The following SLC35F3 variants were observed in gnomAD, a reference collection of about 807,000 sequenced individuals.
SLC35F3 encodes the protein solute carrier family 35 member F3, also known as putative thiamine transporter SLC35F3.
SLC35F3 carries 25 observed loss-of-function variants against 49.9 expected under a neutral mutation model. The ratio of observed to expected loss-of-function variants is 0.50; its 90% confidence interval spans 0.37 to 0.70. The LOEUF is 0.70. SLC35F3 is among the 30% of genes least tolerant of loss of function. The probability of loss-of-function intolerance (pLI) is 0.00; values close to 1 mark genes in which losing one functional copy is unlikely to be tolerated. For missense variants in SLC35F3, 525 were observed against 639.8 expected (o/e 0.82, Z 1.94); for synonymous variants, 275 against 265.4 (o/e 1.04, Z -0.35).
rs1171564161 is a variant in SLC35F3, at chr1:233,957,808, T to A, written c.283+52050T>A. Among the ~76,000 whole-genome samples, 2 of 151,302 alleles carry A rather than the reference T, an allele frequency of 1.3e-5. No homozygotes were observed. Among genetic ancestry groups the A allele is most frequent in the Non-Finnish European group, 2.9e-5 (2 of 67,800 alleles). On this transcript the variant is annotated intron_variant, in intron 2 of 7. Coordinates refer to ENST00000366618, the MANE Select transcript of SLC35F3 (RefSeq NM_173508.4). This position sits in a 1 kb window ranked among gnomAD's most constrained non-coding sequence, Gnocchi z 4.0. ...CCACCTAGGGCGACAAAAGCGAAACTCCATCTCAAAAAAAAAATACAATAA... is the reference window on the plus strand; with the variant it reads ...CCACCTAGGGCGACAAAAGCGAAACACCATCTCAAAAAAAAAATACAATAA...
At chr1:234,054,152 G>T (rs1269261477) in intron 2 of SLC35F3, among the ~76,000 whole-genome samples, 3 of 152,098 alleles carry the variant, frequency 2.0e-5, no homozygotes, top group Non-Finnish European at 4.4e-5. Flanking sequence ...TATCTTTGTG[G>T]CATTCTCTGT....
At chr1:234,288,332 T>C (rs1668455820) in intron 3 of SLC35F3, among the ~76,000 whole-genome samples, 1 of 152,210 alleles carries the variant, frequency 6.6e-6, no homozygotes, top group Admixed American at 6.5e-5. Context: ...GAAATTGACA[T>C]GGCTGAATTC....
At chr1:234,049,332 C>T in intron 2 of SLC35F3, among the ~76,000 whole-genome samples, 1 of 152,050 alleles carries the variant, frequency 6.6e-6, no homozygotes, top group East Asian at 1.9e-4. Context: ...GGAGTGTGCT[C>T]ACTCTTGCTC....
chr1:234,172,573 T>C (rs1483223383), intron 2 of SLC35F3, among the ~76,000 whole-genome samples: 1 of 152,196 alleles, frequency 6.6e-6, no homozygotes, highest in African/African-American at 2.4e-5. Context: ...TTAATGGGAT[T>C]CATTCTGAGA....
chr1:234,094,490 C>CA, intron 2 of SLC35F3, among the ~76,000 whole-genome samples: 1 of 152,332 alleles, frequency 6.6e-6, no homozygotes, highest in East Asian at 1.9e-4. Context: ...TTGGGTGCTA[C>CA]AGGCAATTCC....
chr1:233,909,330 G>T (rs1389046730), intron 2 of SLC35F3, among the ~76,000 whole-genome samples: 1 of 152,158 alleles, frequency 6.6e-6, no homozygotes, highest in Non-Finnish European at 1.5e-5. Context: ...CAAACCACTT[G>T]GCAGTATTCC....
intron 2 of SLC35F3, among the ~76,000 whole-genome samples, chr1:233,921,424 G>C (rs1250043371): frequency 1.3e-5 from 2 of 152,024 alleles, no homozygotes; most frequent in African/African-American, 4.8e-5. Context: ...TTACACCAGG[G>C]CTCACTCTTA....
At chr1:234,252,777 C>T (rs986596337) in intron 3 of SLC35F3, among the ~76,000 whole-genome samples, 1 of 152,158 alleles carries the variant, frequency 6.6e-6, no homozygotes, top group African/African-American at 2.4e-5. Flanking sequence ...GCAGTACTCA[C>T]GACACTGATA....
At chr1:234,195,478 A>G (rs1666793025) in intron 2 of SLC35F3, among the ~76,000 whole-genome samples, 1 of 152,160 alleles carries the variant, frequency 6.6e-6, no homozygotes, top group Non-Finnish European at 1.5e-5. Context: ...ATTCCTGCCT[A>G]TTCCACTGGC....
At chr1:234,042,832 C>A (rs1439052703) in intron 2 of SLC35F3, among the ~76,000 whole-genome samples, 1 of 152,148 alleles carries the variant, frequency 6.6e-6, no homozygotes, top group African/African-American at 2.4e-5. Flanking sequence ...CACCTAGTAA[C>A]AACTGAAATG....
At chr1:234,108,762 AAT>A (rs528975734) in intron 2 of SLC35F3, among the ~76,000 whole-genome samples, 23,901 of 78,298 alleles carry the variant, frequency 0.31, 3,780 homozygotes, top group South Asian at 0.41. Context: ...GATATATATA[AAT>A]ATATATATCT....
intron 2 of SLC35F3, among the ~76,000 whole-genome samples, chr1:233,951,010 T>G (rs1353714181): frequency 1.3e-5 from 2 of 151,954 alleles, no homozygotes; most frequent in African/African-American, 2.4e-5. Context: ...CTGGACAGTT[T>G]GAGAAGGAAG....
At chr1:234,297,273 C>T (rs754011110) in intron 3 of SLC35F3, among the ~76,000 whole-genome samples, 3 of 152,126 alleles carry the variant, frequency 2.0e-5, no homozygotes, top group Non-Finnish European at 4.4e-5. Context: ...ATAGAACTAC[C>T]ATATGATCCA....
Position 234,214,210 on chromosome 1 carries a change from C to T in SLC35F3, c.284-17207C>T. ...GGTGGGAGCAGGGAGTGCACTTGTA[C>T]GTGACGTTGGAGTTTGCAGCAACCT... On this transcript the variant is annotated intron_variant, in intron 2 of 7. Coordinates refer to ENST00000366618, the MANE Select transcript of SLC35F3 (RefSeq NM_173508.4). The surrounding 1 kb of genome is among the most constrained non-coding windows in gnomAD (Gnocchi z 8.0). 2.5e-6 allele frequency: 3 copies of T among 1,179,978 alleles called. No individual in the cohort carries two copies. The highest frequency in any genetic ancestry group is 1.0e-6 in the Non-Finnish European group (1 of 954,872). The allele number at this position is 1,179,978 out of a possible 1,614,324, so 73.1% of individuals were successfully genotyped here.
chr1:233,953,770 A>C (rs1288166478), intron 2 of SLC35F3, among the ~76,000 whole-genome samples: 1 of 152,216 alleles, frequency 6.6e-6, no homozygotes, highest in Non-Finnish European at 1.5e-5. Flanking sequence ...TCCTTTAGGA[A>C]CAATGACATA....
chr1:233,913,595 C>T (rs890460793), intron 2 of SLC35F3, among the ~76,000 whole-genome samples: 2 of 152,176 alleles, frequency 1.3e-5, no homozygotes, highest in African/African-American at 2.4e-5. Flanking sequence ...GTATCTCGAT[C>T]AATAAACATT....
chr1:234,051,081 A>G (rs1664369875), intron 2 of SLC35F3, among the ~76,000 whole-genome samples: 1 of 152,152 alleles, frequency 6.6e-6, no homozygotes, highest in South Asian at 2.1e-4. Flanking sequence ...TGATGCCTCC[A>G]GGTTTGTTCT....
At chr1:234,218,891 A>G (rs1037929730) in intron 2 of SLC35F3, among the ~76,000 whole-genome samples, 3 of 146,214 alleles carry the variant, frequency 2.1e-5, no homozygotes, top group Non-Finnish European at 4.5e-5. Flanking sequence ...ACTACTAAAA[A>G]TACAAAAATT....
intron 2 of SLC35F3, among the ~76,000 whole-genome samples, chr1:234,212,089 G>A (rs113139890): frequency 0.026 from 4,019 of 152,240 alleles, 156 homozygotes; most frequent in African/African-American, 0.089. Flanking sequence ...CATGTAAGAC[G>A]TGGCTTGCTC....
Sources: gnomAD v4.1 joint callset for allele counts (sites outside exome capture counted in the v4.1 genomes callset) on GRCh38, gnomAD v4.1.1 for gene constraint, Gnocchi (gnomAD v3.1) non-coding constraint, MANE v1.5 for transcripts, NCBI Gene and HGNC (gene_info 2026-07-23, HGNC 2026-07-21) for gene names.